Variants in DYM observed in about 807,000 individuals in gnomAD.
The protein encoded by DYM is dyggve-Melchior-Clausen syndrome protein.
Under a neutral mutation model 93.1 loss-of-function variants are expected in DYM, and 78 were observed. That is an observed-to-expected ratio of 0.84 (90% CI 0.70 to 1.01). The LOEUF (loss-of-function observed/expected upper bound fraction) is 1.01. Among genes scored for constraint, DYM ranks in the 50% least tolerant of loss-of-function variants. The pLI is 0.00. For missense variants in DYM, 789 were observed against 845.0 expected (o/e 0.93, Z 0.82); for synonymous variants, 321 against 319.7 (o/e 1.00, Z -0.04).
intron 15 of DYM, among the ~76,000 whole-genome samples, chr18:49,148,908 T>G (rs571561757): frequency 3.5e-4 from 54 of 152,340 alleles, no homozygotes; most frequent in Middle Eastern, 6.8e-3. Flanking sequence ...TTGGGATGAC[T>G]CAAGCACATT....
chr18:49,148,623 T>C (rs1731299707), intron 15 of DYM, among the ~76,000 whole-genome samples: 1 of 152,164 alleles, frequency 6.6e-6, no homozygotes, highest in Non-Finnish European at 1.5e-5. Context: ...CCCAAGCTCA[T>C]AGTAAATTAA....
chr18:49,410,094 C>T lies in DYM; in HGVS notation c.141-18449G>A, dbSNP rs887654965. ...TGTGTGTGTGTTTTAGAGACAGGGTCTCGATGCATTCCCAAGGCTGGATTA... is the reference window on the plus strand; with the variant it reads ...TGTGTGTGTGTTTTAGAGACAGGGTTTCGATGCATTCCCAAGGCTGGATTA... On this transcript the variant is annotated intron_variant, in intron 2 of 17. Coordinates refer to ENST00000675505, the MANE Select transcript of DYM (RefSeq NM_001353214.3). Among the ~76,000 whole-genome samples the T allele has an allele frequency of 9.2e-5, 14 of 152,130 alleles. 1 individual carries two copies. Among genetic ancestry groups the T allele is most frequent in the Non-Finnish European group, 2.1e-4 (14 of 68,028 alleles).
chr18:49,383,077 C>G (rs972042267), intron 3 of DYM, among the ~76,000 whole-genome samples: 2 of 151,980 alleles, frequency 1.3e-5, no homozygotes, highest in African/African-American at 4.8e-5. Context: ...ACTCCACCAC[C>G]CATTTTCTTC....
chr18:49,048,154 G>A (rs2071882550), intron 17 of DYM: 1 of 152,194 alleles, frequency 6.6e-6, no homozygotes, highest in Non-Finnish European at 1.5e-5. Flanking sequence ...CTGGGTGTGA[G>A]GTACAGAGCT....
At chr18:49,135,566 T>C (rs114343098) in intron 15 of DYM, among the ~76,000 whole-genome samples, 189 of 152,344 alleles carry the variant, frequency 1.2e-3, no homozygotes, top group African/African-American at 4.3e-3. Flanking sequence ...TTGCTCTTAC[T>C]AGTAAAAGCA....
At chr18:49,167,134 G>A (rs2088006316) in intron 14 of DYM, among the ~76,000 whole-genome samples, 1 of 151,668 alleles carries the variant, frequency 6.6e-6, no homozygotes, top group Non-Finnish European at 1.5e-5. Flanking sequence ...CAGTCCTAGG[G>A]ACCAGAGCAA....
intron 13 of DYM, among the ~76,000 whole-genome samples, chr18:49,215,901 A>G (rs935092775): frequency 3.3e-5 from 5 of 152,246 alleles, no homozygotes; most frequent in Admixed American, 6.5e-5. Flanking sequence ...CAGTGGGTGC[A>G]GGACAGTGGG....
At chr18:49,300,542 G>A (rs781188802) in intron 8 of DYM, among the ~76,000 whole-genome samples, 6 of 151,738 alleles carry the variant, frequency 4.0e-5, no homozygotes, top group Non-Finnish European at 7.4e-5. Context: ...GGAAATTAGA[G>A]TAAGTTGATG....
chr18:49,263,057 A>G (rs1337510328), intron 11 of DYM, among the ~76,000 whole-genome samples: 1 of 152,184 alleles, frequency 6.6e-6, no homozygotes, highest in East Asian at 1.9e-4. Context: ...ATACCTGCAC[A>G]TGACTTCATA....
intron 14 of DYM, among the ~76,000 whole-genome samples, chr18:49,184,372 C>T (rs2090228874): frequency 6.6e-6 from 1 of 152,054 alleles, no homozygotes; most frequent in Non-Finnish European, 1.5e-5. Context: ...CATAAGTTCT[C>T]TTACAAGCAA....
chr18:49,222,234 A>C (rs892869695), intron 13 of DYM, among the ~76,000 whole-genome samples: 1 of 152,080 alleles, frequency 6.6e-6, no homozygotes, highest in Non-Finnish European at 1.5e-5. Context: ...GCAAATCAGA[A>C]TTTCTGTTAA....
intron 2 of DYM, among the ~76,000 whole-genome samples, chr18:49,397,373 G>C (rs2070232598): frequency 6.6e-6 from 1 of 152,072 alleles, no homozygotes. Context: ...TGTGGGACAG[G>C]ACCATTATAA....
intron 17 of DYM, among the ~76,000 whole-genome samples, chr18:49,097,001 G>C (rs1402142821): frequency 6.6e-6 from 1 of 152,178 alleles, no homozygotes; most frequent in East Asian, 1.9e-4. Flanking sequence ...GGTAGGGACT[G>C]AATGAGCTTG....
intron 5 of DYM, chr18:49,368,648 A>G (rs1010459241): frequency 2.6e-5 from 4 of 152,240 alleles, no homozygotes; most frequent in African/African-American, 9.7e-5. Context: ...GCCCAGTTCC[A>G]GCAGAGAAAA....
At chr18:49,077,599 A>T (rs1339984360) in intron 17 of DYM, among the ~76,000 whole-genome samples, 2 of 152,354 alleles carry the variant, frequency 1.3e-5, no homozygotes, top group African/African-American at 4.8e-5. Flanking sequence ...TTAAGTCTCC[A>T]ACACAGTGGA....
intron 2 of DYM, among the ~76,000 whole-genome samples, chr18:49,399,214 C>T (rs1269498134): frequency 6.6e-6 from 1 of 152,140 alleles, no homozygotes; most frequent in East Asian, 1.9e-4. Context: ...ACAGGATGTG[C>T]ACTCAACGTA....
At position 49,441,292 on chromosome 18, in the gene DYM, A is replaced by T. The variant is rs1406600839; in HGVS notation, c.-53-10845T>A. Among the ~76,000 whole-genome samples, 24 of 36,380 alleles carry T rather than the reference A, an allele frequency of 6.6e-4. 1 individual carries two copies. The South Asian group carries it at 0.013, about 20-fold the overall frequency. 23.9% of individuals were successfully genotyped at this position (36,380 alleles called of 152,430 possible). ...TAATATATATTATATAATTATATAT[A>T]ATATAATTATATATAATTAATATAT... On this transcript the variant is annotated intron_variant, in intron 1 of 17. Coordinates refer to ENST00000675505, the MANE Select transcript of DYM (RefSeq NM_001353214.3).
At chr18:49,344,435 C>A (rs1276071392) in intron 6 of DYM, among the ~76,000 whole-genome samples, 1 of 151,920 alleles carries the variant, frequency 6.6e-6, no homozygotes, top group African/African-American at 2.4e-5. Flanking sequence ...AGCCAAAGAA[C>A]AAGAGATGTC....
chr18:49,202,276 CAG>C (rs2092059283), intron 14 of DYM, among the ~76,000 whole-genome samples: 1 of 152,360 alleles, frequency 6.6e-6, no homozygotes, highest in African/African-American at 2.4e-5. Context: ...GAGCAACACA[CAG>C]GGGGTGGTGG....
Sources: gnomAD v4.1 joint callset for allele counts (sites outside exome capture counted in the v4.1 genomes callset) on GRCh38, gnomAD v4.1.1 for gene constraint, MANE v1.5 for transcripts, NCBI Gene and HGNC (gene_info 2026-07-23, HGNC 2026-07-21) for gene names.